Variants in EPHA6 observed in about 807,000 individuals in gnomAD.
The protein encoded by EPHA6 is EPH receptor A6, also known as ephrin type-A receptor 6.
EPHA6 carries 50 observed loss-of-function variants against 112.0 expected under a neutral mutation model. The ratio of observed to expected loss-of-function variants is 0.45; its 90% CI spans 0.36 to 0.56. The LOEUF is 0.56. EPHA6 is among the 20% of genes least tolerant of loss of function. The pLI is 0.00. For synonymous variants in EPHA6, 529 were observed against 490.7 expected, an observed-to-expected ratio of 1.08 and a Z score of -1.03; for missense variants, 1,280 against 1,417.4, an observed-to-expected ratio of 0.90 and a Z score of 1.56.
intron 5 of EPHA6, among the ~76,000 whole-genome samples, chr3:97,301,810 A>C (rs2081102773): frequency 6.6e-6 from 1 of 152,118 alleles, no homozygotes; most frequent in Non-Finnish European, 1.5e-5. Flanking sequence ...ATTTTGATTA[A>C]TGTTTAACTT....
intron 2 of EPHA6, among the ~76,000 whole-genome samples, chr3:96,944,811 A>G (rs972529906): frequency 2.6e-5 from 4 of 152,124 alleles, no homozygotes; most frequent in Non-Finnish European, 1.5e-5. Flanking sequence ...GTGGTGGCGC[A>G]TGTCTGTAGT....
intron 12 of EPHA6, chr3:97,606,222 A>G (rs565480657): frequency 1.3e-5 from 2 of 151,378 alleles, no homozygotes; most frequent in South Asian, 4.1e-4. Flanking sequence ...ATATGTCTCC[A>G]GAACTCAGAA....
intron 3 of EPHA6, among the ~76,000 whole-genome samples, chr3:97,059,160 A>G (rs1156290508): frequency 1.3e-5 from 2 of 152,198 alleles, no homozygotes; most frequent in Non-Finnish European, 2.9e-5. Flanking sequence ...GGGACCCCAG[A>G]AGAGAGGAAA....
Position 97,748,870 on chromosome 3 carries a change from C to A in EPHA6, c.*169C>A. 1 of 593,164 alleles carries A rather than the reference C, an allele frequency of 1.7e-6. No individual in the cohort carries two copies. The highest frequency in any genetic ancestry group is 3.0e-6 in the Non-Finnish European group (1 of 328,902). 36.7% of individuals were successfully genotyped at this position (593,164 alleles called of 1,614,324 possible). On this transcript the variant is annotated 3_prime_UTR_variant, in exon 18 of 18. Coordinates refer to ENST00000389672, the MANE Select transcript of EPHA6 (RefSeq NM_001080448.3). ...ATGCTTCCAACCAGGATTTTAAAAT[C>A]ATGCTACATAAATCCGTTCTGAATA...
chr3:97,667,269 C>G (rs183848190), intron 14 of EPHA6, among the ~76,000 whole-genome samples: 61 of 152,322 alleles, frequency 4.0e-4, no homozygotes, highest in Admixed American at 2.1e-3. Context: ...CCCACTTTCT[C>G]TCTGCATATT....
At chr3:97,521,923 CAAAAAAAAAA>C (rs754123519) in intron 10 of EPHA6, among the ~76,000 whole-genome samples, 6 of 87,968 alleles carry the variant, frequency 6.8e-5, no homozygotes, top group Non-Finnish European at 1.3e-4. Context: ...GAGCCTTTTT[CAAAAAAAAAA>C]AAAAAAAAAA....
chr3:97,357,124 G>T (rs1345683357), intron 5 of EPHA6, among the ~76,000 whole-genome samples: 1 of 152,092 alleles, frequency 6.6e-6, no homozygotes, highest in South Asian at 2.1e-4. Context: ...ACAGTTGCAT[G>T]GAATATCTTT....
chr3:97,011,777 T>G (rs997771494), intron 3 of EPHA6, among the ~76,000 whole-genome samples: 1 of 152,192 alleles, frequency 6.6e-6, no homozygotes, highest in East Asian at 1.9e-4. Flanking sequence ...TCAATAGTTT[T>G]TCAACCCTTA....
chr3:97,212,016 G>T (rs770180358), intron 3 of EPHA6, among the ~76,000 whole-genome samples: 2 of 152,044 alleles, frequency 1.3e-5, no homozygotes, highest in African/African-American at 4.8e-5. Context: ...TAAGTTACTG[G>T]ATGTATTCTT....
intron 2 of EPHA6, among the ~76,000 whole-genome samples, chr3:96,977,282 G>T (rs529961124): frequency 2.0e-4 from 30 of 152,250 alleles, no homozygotes; most frequent in African/African-American, 6.7e-4. Context: ...GACAAATACT[G>T]CATGTTCTCA....
chr3:97,361,304 G>A (rs1457531440), intron 5 of EPHA6, among the ~76,000 whole-genome samples: 1 of 152,118 alleles, frequency 6.6e-6, no homozygotes, highest in Admixed American at 6.6e-5. Context: ...TGATCTAACA[G>A]CTTGAGTCTT....
intron 7 of EPHA6, among the ~76,000 whole-genome samples, chr3:97,465,707 G>A (rs1317572045): frequency 2.0e-5 from 3 of 151,478 alleles, no homozygotes; most frequent in East Asian, 1.9e-4. Flanking sequence ...GGTCCATAAC[G>A]CTAAGAAAAA....
chr3:97,155,586 T>C (rs545776167), intron 3 of EPHA6, among the ~76,000 whole-genome samples: 4 of 152,318 alleles, frequency 2.6e-5, no homozygotes, highest in South Asian at 4.1e-4. Flanking sequence ...ATCATTGTTC[T>C]GAGTTTTATA....
At chr3:97,356,938 A>G (rs951072784) in intron 5 of EPHA6, among the ~76,000 whole-genome samples, 2 of 152,042 alleles carry the variant, frequency 1.3e-5, no homozygotes, top group Non-Finnish European at 2.9e-5. Context: ...TCAGTTTTTG[A>G]TTTATATATT....
chr3:96,936,574 T>G (rs576250482), intron 2 of EPHA6, among the ~76,000 whole-genome samples: 6 of 150,188 alleles, frequency 4.0e-5, no homozygotes, highest in African/African-American at 9.8e-5. Flanking sequence ...TGCTCTTGGG[T>G]TTTTTTTTGT....
chr3:97,720,183 A>T (rs2034462913), intron 14 of EPHA6, 78 bp from the exon 15 acceptor site: 1 of 1,293,694 alleles, frequency 7.7e-7, no homozygotes, highest in Non-Finnish European at 1.0e-6. Flanking sequence ...CTTTCTAATA[A>T]AAAATATTTA....
rs114322295 is a variant in EPHA6, at chr3:97,519,527, A to G, written c.2201-12831A>G. 5.1e-3 allele frequency among the ~76,000 whole-genome samples: 776 copies of G among 152,282 alleles called. 6 individuals are homozygous for G. Among genetic ancestry groups the G allele is most frequent in the African/African-American group, 0.018 (753 of 41,568 alleles). ...TTTTTCTATTTCTGTGGCAAATTAC[A>G]TTTTGATAGTAATTGCAATAAATCT... On this transcript the variant is annotated intron_variant, in intron 10 of 17. Coordinates refer to ENST00000389672, the MANE Select transcript of EPHA6 (RefSeq NM_001080448.3).
At chr3:96,947,020 CTGTT>C (rs1485694706) in intron 2 of EPHA6, among the ~76,000 whole-genome samples, 3 of 149,168 alleles carry the variant, frequency 2.0e-5, no homozygotes, top group Middle Eastern at 3.2e-3. Context: ...TTTGATGGGG[CTGTT>C]TGTTTGTTTT....
chr3:97,093,676 A>C (rs964874053), intron 3 of EPHA6, among the ~76,000 whole-genome samples: 1 of 152,212 alleles, frequency 6.6e-6, no homozygotes, highest in Non-Finnish European at 1.5e-5. Context: ...AATATATGGT[A>C]ACATGCTATA....
Sources: gnomAD v4.1 joint callset for allele counts (sites outside exome capture counted in the v4.1 genomes callset) on GRCh38, gnomAD v4.1.1 for gene constraint, MANE v1.5 for transcripts, NCBI Gene and HGNC (gene_info 2026-07-23, HGNC 2026-07-21) for gene names.